FOXP2: variants seen among roughly 807,000 people sequenced by gnomAD.
The protein encoded by FOXP2 is forkhead box P2, also known as forkhead box protein P2.
In FOXP2, 12 loss-of-function variants were observed where a neutral mutation model predicts 115.8. The ratio of observed to expected loss-of-function variants is 0.10; its 90% CI spans 0.07 to 0.17. FOXP2 has a LOEUF of 0.17. Ranked by LOEUF, FOXP2 falls within the 10% of genes least tolerant of loss-of-function variation. The pLI, the probability that FOXP2 is intolerant of heterozygous loss-of-function variation, is 1.00. For synonymous variants in FOXP2, 328 were observed against 297.7 expected (o/e 1.10, Z -1.05); for missense variants, 629 against 843.5 (o/e 0.75, Z 3.15).
At chr7:114,417,931 G>A (rs1053776933) in intron 1 of FOXP2, among the ~76,000 whole-genome samples, 8 of 151,888 alleles carry the variant, frequency 5.3e-5, no homozygotes, top group Non-Finnish European at 1.2e-4. Flanking sequence ...TATGCCCCAA[G>A]ATGTTTCTAC....
chr7:114,359,539 C>A (rs183434487), intron 2 of FOXP2, among the ~76,000 whole-genome samples: 1 of 152,222 alleles, frequency 6.6e-6, no homozygotes, highest in Non-Finnish European at 1.5e-5. Flanking sequence ...TCAACACCAG[C>A]CTGTGAAAGC....
chr7:114,406,638 TGA>T (rs1793043532), intron 2 of FOXP2, among the ~76,000 whole-genome samples: 1 of 151,980 alleles, frequency 6.6e-6, no homozygotes, highest in African/African-American at 2.4e-5. Flanking sequence ...GAAAAAGAAT[TGA>T]GTCACAACTA....
At chr7:114,243,262 G>GAA (rs61609626) in intron 1 of FOXP2, among the ~76,000 whole-genome samples, 1,530 of 107,036 alleles carry the variant, frequency 0.014, 28 homozygotes, top group African/African-American at 0.046. Flanking sequence ...CCATGAGCCA[G>GAA]AAAAAAAAAA....
Position 114,661,861 on chromosome 7 carries a change from G to C in FOXP2, c.1648-204G>C, listed in dbSNP as rs564971880. 7.9e-5 allele frequency: 45 copies of C among 568,372 alleles called. No individual in the cohort carries two copies. The East Asian group carries it at 1.3e-3, about 16-fold the overall frequency. 35.2% of individuals were successfully genotyped at this position (568,372 alleles called of 1,614,324 possible). A position where few individuals can be genotyped will look rare whatever the true frequency, so the allele number is the denominator to read the frequency against. On this transcript the variant is annotated intron_variant, in intron 13 of 16. Coordinates refer to ENST00000350908, the MANE Select transcript of FOXP2 (RefSeq NM_014491.4). Reference sequence around the variant, plus strand: ...AGCTATTATTAAAATAGCTTGGAAGGTTCTCTTATCACAAAGTTCAAACTG... The same window carrying C: ...AGCTATTATTAAAATAGCTTGGAAGCTTCTCTTATCACAAAGTTCAAACTG...
At chr7:114,250,518 GT>G (rs1415587614) in intron 1 of FOXP2, among the ~76,000 whole-genome samples, 1 of 152,134 alleles carries the variant, frequency 6.6e-6, no homozygotes, top group African/African-American at 2.4e-5. Flanking sequence ...TCTCATTGTG[GT>G]TTTGATCTGC....
chr7:114,353,288 G>A (rs932994024), intron 2 of FOXP2, among the ~76,000 whole-genome samples: 3 of 146,504 alleles, frequency 2.0e-5, no homozygotes, highest in African/African-American at 2.5e-5. Context: ...CTTTTCCTCC[G>A]ATAGCCCCCT....
chr7:114,630,104 G>GCTGT, intron 5 of FOXP2, 99 bp downstream of exon 5: 4 of 1,592,908 alleles, frequency 2.5e-6, no homozygotes, highest in Non-Finnish European at 3.4e-6. Flanking sequence ...CAAGGCTCTT[G>GCTGT]CTGTCAAAGT....
chr7:114,602,645 A>T (rs1232291046), intron 3 of FOXP2, among the ~76,000 whole-genome samples: 2 of 152,074 alleles, frequency 1.3e-5, no homozygotes, highest in African/African-American at 4.8e-5. Context: ...AAATCCTGTC[A>T]ATCAGGTTGC....
chr7:114,365,439 T>C (rs1296795448), intron 2 of FOXP2, among the ~76,000 whole-genome samples: 1 of 152,116 alleles, frequency 6.6e-6, no homozygotes, highest in Non-Finnish European at 1.5e-5. Context: ...TTGATTCTAA[T>C]ACTAAATGTA....
intron 16 of FOXP2, chr7:114,670,101 G>A (rs1014678789): frequency 4.6e-5 from 7 of 151,760 alleles, no homozygotes; most frequent in African/African-American, 1.5e-4. Flanking sequence ...TATGTCATTC[G>A]TGACTCCTCT....
rs117670412 is a variant in FOXP2 at position 114,585,510 on chromosome 7, G to A, written c.259-43030G>A. On this transcript the variant is annotated intron_variant, in intron 3 of 16. Coordinates refer to ENST00000350908, the MANE Select transcript of FOXP2 (RefSeq NM_014491.4). ...TGAATTACAGTCTGCATTTTAACAC[G>A]GTCTTCAGTTAATTTATGCTCATTA... is the stretch of plus-strand genomic sequence containing the variant. Among the ~76,000 whole-genome samples the A allele has an allele frequency of 2.0e-3, 303 of 151,696 alleles. 4 individuals carry two copies. The highest frequency in any genetic ancestry group is 0.02 in the East Asian group (101 of 5,164).
Position 114,691,708 on chromosome 7 carries a change from C to CCA in FOXP2, c.*1782_*1783insCA, listed in dbSNP as rs1332349796. 11 of 454,120 alleles carry CCA rather than the reference C, an allele frequency of 2.4e-5. 1 individual carries two copies. Among genetic ancestry groups the CCA allele is most frequent in the Admixed American group, 2.4e-4 (10 of 42,524 alleles). The allele number at this position is 454,120 out of a possible 1,614,324, so 28.1% of individuals were successfully genotyped here. ...CTGATTATGGTTATTGCTTTACAAA[C>CCA]AGTTTTGACAGAAGGTGGCTGCTAG... On this transcript the variant is annotated 3_prime_UTR_variant, in exon 17 of 17. Transcript: ENST00000350908.
intron 2 of FOXP2, among the ~76,000 whole-genome samples, chr7:114,455,413 G>T (rs897450227): frequency 6.6e-6 from 1 of 152,166 alleles, no homozygotes; most frequent in Non-Finnish European, 1.5e-5. Flanking sequence ...GCCTCTGGAA[G>T]TATAGATGTG....
intron 1 of FOXP2, among the ~76,000 whole-genome samples, chr7:114,253,267 T>A (rs1795503884): frequency 6.6e-6 from 1 of 152,168 alleles, no homozygotes; most frequent in Non-Finnish European, 1.5e-5. Context: ...ATGTATATTC[T>A]GTTGATTTGG....
At chr7:114,328,357 C>T (rs1797613077) in intron 2 of FOXP2, among the ~76,000 whole-genome samples, 1 of 151,882 alleles carries the variant, frequency 6.6e-6, no homozygotes, top group Admixed American at 6.6e-5. Flanking sequence ...CTGCCTCAGC[C>T]TCCCAAGTAG....
intron 1 of FOXP2, among the ~76,000 whole-genome samples, chr7:114,257,462 T>C (rs953868771): frequency 1.4e-5 from 2 of 145,978 alleles, no homozygotes; most frequent in African/African-American, 5.1e-5. Flanking sequence ...TTTTTTTTTT[T>C]TTTTTTTTTG....
At chr7:114,220,589 A>G (rs1794595600) in intron 1 of FOXP2, among the ~76,000 whole-genome samples, 1 of 152,112 alleles carries the variant, frequency 6.6e-6, no homozygotes, top group Non-Finnish European at 1.5e-5. Flanking sequence ...TGACTTCCCT[A>G]CTTCCCTTTG....
At chr7:114,425,882 C>A (rs1051042591) in intron 1 of FOXP2, among the ~76,000 whole-genome samples, 6 of 151,600 alleles carry the variant, frequency 4.0e-5, no homozygotes, top group Non-Finnish European at 8.9e-5. Context: ...TAGGCAATAT[C>A]TGACGTGTTT....
At chr7:114,444,405 A>G (rs1170603386) in intron 2 of FOXP2, among the ~76,000 whole-genome samples, 1 of 152,128 alleles carries the variant, frequency 6.6e-6, no homozygotes, top group African/African-American at 2.4e-5. Flanking sequence ...AAATCACCAC[A>G]AGTGATTTCC....
Sources: gnomAD v4.1 joint callset for allele counts (sites outside exome capture counted in the v4.1 genomes callset) on GRCh38, gnomAD v4.1.1 for gene constraint, MANE v1.5 for transcripts, NCBI Gene and HGNC (gene_info 2026-07-23, HGNC 2026-07-21) for gene names.